Variants in PTPRN2 observed in about 807,000 individuals in gnomAD.
PTPRN2 encodes protein tyrosine phosphatase receptor type N2, also known as receptor-type tyrosine-protein phosphatase N2.
PTPRN2 carries 74 observed loss-of-function variants against 118.8 expected under a neutral mutation model. That is an observed-to-expected ratio of 0.62 (90% CI 0.52 to 0.76). The LOEUF (loss-of-function observed/expected upper bound fraction) is 0.76. Ranked by LOEUF, PTPRN2 falls within the 30% of genes least tolerant of loss-of-function variation. The probability of loss-of-function intolerance (pLI) is 0.00; values close to 1 mark genes in which losing one functional copy is unlikely to be tolerated. For synonymous variants in PTPRN2, 641 were observed against 608.0 expected, an observed-to-expected ratio of 1.05 and a Z score of -0.80; for missense variants, 1,481 against 1,394.4, an observed-to-expected ratio of 1.06 and a Z score of -0.99.
At position 157,629,790 on chromosome 7, in the gene PTPRN2, C is replaced by T. The variant is rs1803828203; in HGVS notation, c.2197-8281G>A. Among the ~76,000 whole-genome samples, 1 of 152,228 alleles carries T rather than the reference C, an allele frequency of 6.6e-6. No homozygotes were observed. Among genetic ancestry groups the T allele is most frequent in the African/African-American group, 2.4e-5 (1 of 41,448 alleles). On this transcript the variant is annotated intron_variant, in intron 14 of 22. Coordinates refer to ENST00000389418, the MANE Select transcript of PTPRN2 (RefSeq NM_002847.5). The surrounding 1 kb of genome is among the most constrained non-coding windows in gnomAD (Gnocchi z 4.4). ...CTCTTTTCTACAATGGCGCCTATTG[C>T]AGCACAATGCCCTTTAATTTACTGA... is the stretch of plus-strand genomic sequence containing the variant.
At position 157,619,901 on chromosome 7, in the gene PTPRN2, G is replaced by A. The variant is rs144260385; in HGVS notation, c.2344+1461C>T. ...CTGATCCCTTGACCGGCTCCGAAGG[G>A]TTGAGGCAGGGACACAGTGACGGAG... On this transcript the variant is annotated intron_variant, in intron 15 of 22. Transcript: ENST00000389418. The surrounding 1 kb of genome is among the most constrained non-coding windows in gnomAD (Gnocchi z 5.3). 5.3e-5 allele frequency among the ~76,000 whole-genome samples: 8 copies of A among 152,318 alleles called. No individual in the cohort carries two copies. The highest frequency in any genetic ancestry group is 1.3e-4 in the Admixed American group (2 of 15,312).
intron 12 of PTPRN2, among the ~76,000 whole-genome samples, chr7:157,790,083 G>T (rs1340340053): frequency 1.0e-4 from 14 of 139,404 alleles, no homozygotes; most frequent in African/African-American, 3.6e-4. Context: ...TGTGTGTGTG[G>T]TGTGTGTGGT....
intron 11 of PTPRN2, among the ~76,000 whole-genome samples, chr7:158,004,586 T>A (rs764686578): frequency 2.6e-5 from 4 of 152,206 alleles, no homozygotes; most frequent in Non-Finnish European, 2.9e-5. Context: ...ATCTTATCAC[T>A]TTCCTGACAG....
chr7:158,026,411 G>A (rs1407011793), intron 11 of PTPRN2, among the ~76,000 whole-genome samples: 2 of 152,198 alleles, frequency 1.3e-5, no homozygotes, highest in African/African-American at 4.8e-5. Context: ...GGCCGAGGAC[G>A]GGCACCAAGG....
Position 157,622,619 on chromosome 7 carries a change from AACAC to A in PTPRN2, c.2197-1114_2197-1111del, listed in dbSNP as rs1284723102. Among the ~76,000 whole-genome samples the A allele has an allele frequency of 6.6e-6, 1 of 152,144 alleles. No homozygotes were observed. Among genetic ancestry groups the A allele is most frequent in the Non-Finnish European group, 1.5e-5 (1 of 68,004 alleles). ...ACAGCCAACCTGAACCCATGCAGCA[AACAC>A]ACACCCTGCTGTGCTGGCCCAGCTC... On this transcript the variant is annotated intron_variant, in intron 14 of 22. Coordinates refer to ENST00000389418, the MANE Select transcript of PTPRN2 (RefSeq NM_002847.5). This position sits in a 1 kb window ranked among gnomAD's most constrained non-coding sequence, Gnocchi z 5.3.
intron 2 of PTPRN2, among the ~76,000 whole-genome samples, chr7:158,387,561 G>T (rs1811551836): frequency 1.3e-5 from 2 of 152,416 alleles, no homozygotes; most frequent in South Asian, 2.1e-4. Flanking sequence ...GGGGGCTGCG[G>T]CATCCCTGTC....
Position 158,192,383 on chromosome 7 carries a change from G to A in PTPRN2, c.493C>T (p.Pro165Ser), listed in dbSNP as rs759370757. 9 of 1,528,656 alleles carry A rather than the reference G, an allele frequency of 5.9e-6. No individual in the cohort carries two copies. The highest frequency in any genetic ancestry group is 2.9e-5 in the African/African-American group (2 of 68,828). 94.7% of individuals were successfully genotyped at this position (1,528,656 alleles called of 1,614,324 possible). A position where few individuals can be genotyped will look rare whatever the true frequency, so the allele number is the denominator to read the frequency against. The change falls in exon 5 of 23, where the codon CCA becomes TCA. Residue 165 changes from proline (P) to serine (S), a missense_variant. Physicochemically the swap from Pro to Ser is moderately conservative, Grantham distance 74. This residue lies in a region of PTPRN2 where 1,115 missense variants were observed against 994.2 expected (regional missense o/e 1.12). Coordinates refer to ENST00000389418, the MANE Select transcript of PTPRN2 (RefSeq NM_002847.5). ...GTCCTGGCGAGCACGTCTGAGGCTG[G>A]GGCCTGGGACAGGGCCTCCAGGAAG... The part of the protein sequence containing the change: ...LPFLEALSQA[P>S]ASDVLARTHT...
intron 12 of PTPRN2, among the ~76,000 whole-genome samples, chr7:157,772,530 CT>C (rs1276475934): frequency 1.3e-5 from 2 of 152,210 alleles, no homozygotes; most frequent in African/African-American, 4.8e-5. Context: ...AAAGAGGCCC[CT>C]GATCCAGGTG....
At chr7:157,600,876 C>T (rs1801629307) in intron 16 of PTPRN2, among the ~76,000 whole-genome samples, 1 of 152,144 alleles carries the variant, frequency 6.6e-6, no homozygotes, top group South Asian at 2.1e-4. Context: ...TCAGAACATC[C>T]AACCTCTCTT....
chr7:158,270,841 T>TCACCTGGATGACCCCCTC (rs1798353565), intron 3 of PTPRN2, among the ~76,000 whole-genome samples: 1 of 4,588 alleles, frequency 2.2e-4, no homozygotes, highest in South Asian at 0.01. Flanking sequence ...GATGACCCCC[T>TCACCTGGATGACCCCCTC]CACCTGGACC....
At chr7:157,802,286 C>T (rs540593908) in intron 12 of PTPRN2, among the ~76,000 whole-genome samples, 5 of 152,340 alleles carry the variant, frequency 3.3e-5, no homozygotes, top group African/African-American at 7.2e-5. Flanking sequence ...CTCTCTTCTT[C>T]GGTGCGTTCA....
At chr7:158,193,103 T>A (rs1825911271) in intron 4 of PTPRN2, among the ~76,000 whole-genome samples, 2 of 152,198 alleles carry the variant, frequency 1.3e-5, no homozygotes, top group South Asian at 4.1e-4. Flanking sequence ...CGCCATCGCG[T>A]GCACCATGCA....
At chr7:158,576,081 T>C (rs1225698772) in intron 1 of PTPRN2, among the ~76,000 whole-genome samples, 1 of 152,154 alleles carries the variant, frequency 6.6e-6, no homozygotes, top group African/African-American at 2.4e-5. Flanking sequence ...CTGTCAATAC[T>C]TTCCCCGCTG....
At chr7:157,985,931 C>T (rs1803752443) in intron 11 of PTPRN2, among the ~76,000 whole-genome samples, 6 of 152,214 alleles carry the variant, frequency 3.9e-5, no homozygotes, top group Middle Eastern at 3.4e-3. Flanking sequence ...AGACAGCCCA[C>T]CTGGCTGACG....
chr7:158,496,854 A>G (rs968858514), intron 1 of PTPRN2, among the ~76,000 whole-genome samples: 3 of 1,214 alleles, frequency 2.5e-3, no homozygotes, highest in African/African-American at 4.3e-3. Context: ...TCTTCCCTGC[A>G]CCCCCTCCCC....
intron 5 of PTPRN2, among the ~76,000 whole-genome samples, chr7:158,184,232 G>A (rs1035521447): frequency 6.6e-6 from 1 of 151,986 alleles, no homozygotes; most frequent in African/African-American, 2.4e-5. Flanking sequence ...ACACTATTGA[G>A]TCTTTAGACA....
At chr7:157,880,019 A>G (rs554479999) in intron 12 of PTPRN2, among the ~76,000 whole-genome samples, 1 of 152,322 alleles carries the variant, frequency 6.6e-6, no homozygotes, top group East Asian at 1.9e-4. Context: ...GTTTTCACAT[A>G]AACTGACAGT....
intron 12 of PTPRN2, among the ~76,000 whole-genome samples, chr7:157,765,908 C>T (rs544750042): frequency 1.3e-5 from 2 of 150,018 alleles, no homozygotes; most frequent in South Asian, 2.1e-4. Flanking sequence ...ACCCACCCAT[C>T]CATCCATCAT....
rs992704276 is a variant in PTPRN2, at chr7:157,559,968, G to A, written c.2902+8934C>T. On this transcript the variant is annotated intron_variant, in intron 21 of 22. Coordinates refer to ENST00000389418, the MANE Select transcript of PTPRN2 (RefSeq NM_002847.5). ...GTGTGCCAGCAAGGCCTGTGTTGGA[G>A]GGAGGGGAGGGCCTGGATGGGCCTG... Among the ~76,000 whole-genome samples the A allele has an allele frequency of 3.3e-5, 5 of 152,342 alleles. No homozygotes were observed. The East Asian group carries it at 9.7e-4, about 29-fold the overall frequency.
Sources: gnomAD v4.1 joint callset for allele counts (sites outside exome capture counted in the v4.1 genomes callset) on GRCh38, gnomAD v4.1.1 for gene constraint, gnomAD v4.1.1 regional missense constraint, Gnocchi (gnomAD v3.1) non-coding constraint, MANE v1.5 for transcripts, NCBI Gene and HGNC (gene_info 2026-07-23, HGNC 2026-07-21) for gene names.